SALL3: variants seen among roughly 807,000 people sequenced by gnomAD.
SALL3 encodes spalt like transcription factor 3.
Under a neutral mutation model 66.2 loss-of-function variants are expected in SALL3, and 25 were observed. That is an observed-to-expected ratio of 0.38 (90% CI 0.28 to 0.53). The LOEUF (loss-of-function observed/expected upper bound fraction) is 0.53, where lower values mean the gene tolerates loss of function less well. Among genes scored for constraint, SALL3 ranks in the 20% least tolerant of loss-of-function variants. SALL3 has a pLI of 0.85. For synonymous variants in SALL3, 1,152 were observed against 899.1 expected, an observed-to-expected ratio of 1.28 and a Z score of -5.03; for missense variants, 2,194 against 1,916.5, an observed-to-expected ratio of 1.14 and a Z score of -2.70.
Position 78,993,840 on chromosome 18 carries a change from G to T in SALL3, c.1849G>T (p.Ala617Ser). Reference protein sequence around the residue: ...RAGDAPVGAQASAAPTSVDGA... With the variant: ...RAGDAPVGAQSSAAPTSVDGA... ...CGGGGACGCTCCCGTGGGCGCGCAG[G>T]CTAGCGCTGCACCCACATCGGTGGA... Residue 617 changes from alanine (A) to serine (S), a missense_variant, in exon 2 of 3, where the codon GCT becomes TCT. Coordinates refer to ENST00000537592, the MANE Select transcript of SALL3 (RefSeq NM_171999.4). The T allele has an allele frequency of 6.4e-7, 1 of 1,559,620 alleles. No homozygotes were observed.
In SALL3 at chr18:78,992,734, C is replaced by T. The variant is rs756747483; in HGVS notation, c.743C>T (p.Pro248Leu). 12 of 1,342,600 alleles carry T rather than the reference C, an allele frequency of 8.9e-6. 1 individual carries two copies. The Admixed American group carries it at 2.3e-4, about 25-fold the overall frequency. The allele number at this position is 1,342,600 out of a possible 1,614,324, so 83.2% of individuals were successfully genotyped here. Residue 248 changes from proline to leucine, a missense_variant, in exon 2 of 3, where the codon CCG (proline) becomes CTG (leucine). Pro to Leu is a moderately conservative substitution (Grantham distance 98). Transcript: ENST00000537592. The stretch of plus-strand genomic sequence containing the variant: ...CCCTCACTCAGCCCCGCGGCCGCCC[C>T]GAGCGCACCGGGCCCGGCCCCCAGC... ...PRPSLSPAAA[P>L]SAPGPAPSQL... is the part of the protein sequence containing the mutation.
rs4030880 is a variant in SALL3, at chr18:78,995,702, C to CGTGT, written c.3471+248_3471+251dup. Among the ~76,000 whole-genome samples the CGTGT allele has an allele frequency of 9.2e-5, 14 of 151,734 alleles. No individual in the cohort carries two copies. In the South Asian group the frequency reaches 1.7e-3, roughly 18 times the overall value. On this transcript the variant is annotated intron_variant, in intron 2 of 2. Transcript: ENST00000537592. ...TATGTGTGTGCAGGTGTGTATGGGTCGTGTGTGTGTGCATGTGTAGGTGCC... is the reference window on the plus strand; with the variant it reads ...TATGTGTGTGCAGGTGTGTATGGGTCGTGTGTGTGTGTGTGCATGTGTAGGTGCC...
rs748345053 is a variant in SALL3, at chr18:78,993,140, G to A, written c.1149G>A (p.Thr383=). The A allele has an allele frequency of 9.3e-6, 15 of 1,605,894 alleles. No homozygotes were observed. Among genetic ancestry groups the A allele is most frequent in the African/African-American group, 1.3e-5 (1 of 74,766 alleles). ...FPNPLVSIAA[T]ANALDPLSAL... ...ACCCGCTGGTCAGCATCGCGGCCACGGCCAACGCTCTGGACCCGCTGTCCG... is the reference window on the plus strand; with the variant it reads ...ACCCGCTGGTCAGCATCGCGGCCACAGCCAACGCTCTGGACCCGCTGTCCG... The change falls in exon 2 of 3, where the codon ACG becomes ACA. Residue 383 remains threonine (T), a synonymous_variant. Transcript: ENST00000537592.
chr18:78,996,786 C>A, intron 2 of SALL3, 105 bp from the exon 3 acceptor site: 2 of 1,149,954 alleles, frequency 1.7e-6, no homozygotes, highest in South Asian at 1.6e-5. Context: ...GTCCGTAAGT[C>A]GCGCTTGGGA....
At position 78,995,131 on chromosome 18, in the gene SALL3, A is replaced by G; in HGVS notation, c.3140A>G (p.Gln1047Arg). The G allele has an allele frequency of 5.6e-6, 9 of 1,613,784 alleles. No individual in the cohort carries two copies. Among genetic ancestry groups the G allele is most frequent in the Non-Finnish European group, 7.6e-6 (9 of 1,180,026 alleles). Residue 1047 changes from glutamine (Q) to arginine (R), a missense_variant, in exon 2 of 3, where the codon CAA (glutamine) becomes CGA (arginine). Transcript: ENST00000537592. ...FDPNFALGPS[Q>R]STPSLISSAA... ...CCCAACTTTGCTCTAGGTCCCAGCC[A>G]AAGCACTCCTAGCCTGATCTCCAGC...
intron 1 of SALL3, among the ~76,000 whole-genome samples, chr18:78,980,674 T>C (rs1914014081): frequency 6.6e-6 from 1 of 150,928 alleles, no homozygotes; most frequent in Non-Finnish European, 1.5e-5. Flanking sequence ...GAGTCCACGG[T>C]GCCTCCGCCG....
chr18:78,993,877 C>A lies in SALL3; in HGVS notation c.1886C>A (p.Thr629Lys). The change falls in exon 2 of 3, where the codon ACG becomes AAG. Residue 629 changes from threonine to lysine, a missense_variant. Thr to Lys is a moderately conservative substitution (Grantham distance 78). Coordinates refer to ENST00000537592, the MANE Select transcript of SALL3 (RefSeq NM_171999.4). ...AAPTSVDGAP[T>K]SLGSPGLPAV... is the part of the protein sequence containing the mutation. ...CCCACATCGGTGGACGGCGCACCCA[C>A]GAGCCTCGGCAGCCCCGGGCTGCCC... 5 of 1,569,682 alleles carry A rather than the reference C, an allele frequency of 3.2e-6. No individual in the cohort carries two copies. Among genetic ancestry groups the A allele is most frequent in the Non-Finnish European group, 4.3e-6 (5 of 1,159,392 alleles).
At chr18:78,996,624 T>C (rs1281905099) in intron 2 of SALL3, among the ~76,000 whole-genome samples, 1 of 152,238 alleles carries the variant, frequency 6.6e-6, no homozygotes, top group Non-Finnish European at 1.5e-5. Context: ...ATGTGGGTTT[T>C]ACACCTTAGG....
chr18:78,995,583 A>G (rs1428387617), intron 2 of SALL3, 121 bp downstream of exon 2: 1 of 1,413,010 alleles, frequency 7.1e-7, no homozygotes, highest in Non-Finnish European at 9.3e-7. Flanking sequence ...GGGGGGTGAG[A>G]TGCCACGCCT....
intron 1 of SALL3, among the ~76,000 whole-genome samples, chr18:78,986,913 A>C (rs190405504): frequency 7.2e-5 from 11 of 152,332 alleles, no homozygotes; most frequent in Admixed American, 5.9e-4. Context: ...AATGCCAAGA[A>C]CTGTAGCTTG....
In SALL3 at chr18:78,993,047, G is replaced by A. The variant is rs561910193; in HGVS notation, c.1056G>A (p.Leu352=). The change falls in exon 2 of 3, where the codon CTG becomes CTA. Residue 352 remains leucine (L), a synonymous_variant. Transcript: ENST00000537592. ...TPPALAPGSL[L]GAAPGLPSPL... ...CTGCCCTGGCCCCGGGGTCCCTGCT[G>A]GGTGCGGCGCCCGGCCTGCCAAGTC... The A allele has an allele frequency of 1.3e-6, 2 of 1,582,376 alleles. No homozygotes were observed. The highest frequency in any genetic ancestry group is 1.3e-5 in the African/African-American group (1 of 74,354).
In SALL3 at chr18:78,992,664, C is replaced by A; in HGVS notation, c.673C>A (p.Gln225Lys). 1 of 1,541,422 alleles carries A rather than the reference C, an allele frequency of 6.5e-7. No individual in the cohort carries two copies. Among genetic ancestry groups the A allele is most frequent in the Non-Finnish European group, 8.7e-7 (1 of 1,149,590 alleles). The change falls in exon 2 of 3, where the codon CAG (glutamine) becomes AAG (lysine). Residue 225 changes from glutamine (Q) to lysine (K), a missense_variant. By Grantham distance (53) the Gln-to-Lys change is moderately conservative (BLOSUM62 1). Transcript: ENST00000537592. ...GATCCACCAGCTGCAGCTCATCGAG[C>A]AGATCCGCAGCCAGGTGGCCCTCAT... is the stretch of plus-strand genomic sequence containing the variant. The part of the protein sequence containing the change: ...QQIHQLQLIE[Q>K]IRSQVALMQR...
rs762532859 is a variant in SALL3, at chr18:78,993,913, A to G, written c.1922A>G (p.Glu641Gly). 1 of 1,601,650 alleles carries G rather than the reference A, an allele frequency of 6.2e-7. No individual in the cohort carries two copies. Among genetic ancestry groups the G allele is most frequent in the South Asian group, 1.1e-5 (1 of 89,534 alleles). Residue 641 changes from glutamate to glycine, a missense_variant, in exon 2 of 3, where the codon GAG becomes GGG. Transcript: ENST00000537592. ...AGCCCCGGGCTGCCCGCCGTCTCCGAGCAGTTCAAGGCCCAGTTTCCGTTC... is the reference window on the plus strand; with the variant it reads ...AGCCCCGGGCTGCCCGCCGTCTCCGGGCAGTTCAAGGCCCAGTTTCCGTTC... ...LGSPGLPAVS[E>G]QFKAQFPFGG... is the part of the protein sequence containing the mutation.
intron 1 of SALL3, among the ~76,000 whole-genome samples, chr18:78,987,496 C>G (rs1262718421): frequency 1.3e-5 from 2 of 152,062 alleles, no homozygotes; most frequent in African/African-American, 4.8e-5. Context: ...CTGAGAAACA[C>G]AGACAGGAAG....
At chr18:78,989,481 A>G (rs1914354549) in intron 1 of SALL3, among the ~76,000 whole-genome samples, 1 of 152,214 alleles carries the variant, frequency 6.6e-6, no homozygotes, top group South Asian at 2.1e-4. Flanking sequence ...GTGGTTATGT[A>G]AGTTAATTCT....
intron 1 of SALL3, among the ~76,000 whole-genome samples, chr18:78,990,979 C>T (rs1914411453): frequency 6.6e-6 from 1 of 152,132 alleles, no homozygotes; most frequent in African/African-American, 2.4e-5. Context: ...TTACTCGGCA[C>T]AAGAGGGTAA....
chr18:78,989,695 G>A (rs959367120), intron 1 of SALL3, among the ~76,000 whole-genome samples: 3 of 152,210 alleles, frequency 2.0e-5, no homozygotes, highest in African/African-American at 7.2e-5. Flanking sequence ...CCTGTAAGGA[G>A]TTAAGTGTAA....
At position 78,995,057 on chromosome 18, in the gene SALL3, G is replaced by A. The variant is rs773719644; in HGVS notation, c.3066G>A (p.Gln1022=). 6 of 1,613,854 alleles carry A rather than the reference G, an allele frequency of 3.7e-6. No homozygotes were observed. In the Admixed American group the frequency reaches 8.3e-5, roughly 22 times the overall value. Residue 1022 remains glutamine (Q), a synonymous_variant, in exon 2 of 3, where the codon CAG becomes CAA. Transcript: ENST00000537592. ...RGCSTMGNLK[Q]HLLTHRLKEL... ...GCTCCACTATGGGTAATTTAAAACA[G>A]CACTTACTGACACACAGATTGAAAG...
At chr18:78,986,390 T>A (rs1013464065) in intron 1 of SALL3, among the ~76,000 whole-genome samples, 3 of 152,166 alleles carry the variant, frequency 2.0e-5, no homozygotes, top group Non-Finnish European at 4.4e-5. Flanking sequence ...GCGTACACAC[T>A]CTGAGGTCTC....
Sources: gnomAD v4.1 joint callset for allele counts (sites outside exome capture counted in the v4.1 genomes callset) on GRCh38, gnomAD v4.1.1 for gene constraint, MANE v1.5 for transcripts, NCBI Gene and HGNC (gene_info 2026-07-23, HGNC 2026-07-21) for gene names.